Variants in PDZRN4 observed in about 807,000 individuals in gnomAD.
PDZRN4 encodes the protein PDZ domain containing ring finger 4, also known as PDZ domain-containing RING finger protein 4.
A neutral mutation model predicts 99.0 loss-of-function variants in PDZRN4; 70 were observed. That is an observed-to-expected ratio of 0.71 (90% CI 0.58 to 0.86). The LOEUF is 0.86. Ranked by LOEUF, PDZRN4 falls within the 40% of genes least tolerant of loss-of-function variation. The pLI is 0.00. For synonymous variants in PDZRN4, 551 were observed against 501.6 expected (o/e 1.10, Z -1.32); for missense variants, 1,474 against 1,331.2 (o/e 1.11, Z -1.67).
intron 3 of PDZRN4, among the ~76,000 whole-genome samples, chr12:41,398,150 G>A (rs1421715772): frequency 1.3e-5 from 2 of 152,102 alleles, no homozygotes; most frequent in Non-Finnish European, 2.9e-5. Context: ...CTCTCAATAT[G>A]ACAATACATT....
intron 3 of PDZRN4, among the ~76,000 whole-genome samples, chr12:41,240,551 T>G (rs1202779243): frequency 1.3e-5 from 2 of 152,206 alleles, no homozygotes; most frequent in Non-Finnish European, 2.9e-5. Flanking sequence ...TCAAATTGGC[T>G]GCCAATGACT....
rs139310192 is a variant in PDZRN4 at position 41,383,850 on chromosome 12, ATAGAG to A, written c.844-122602_844-122598del. On this transcript the variant is annotated intron_variant, in intron 3 of 9. Transcript: ENST00000402685. ...ATATATGGGAAAACCTTTTCATGGA[ATAGAG>A]TAGTCAATTTCTTGTCTTCAAACTA... Among the ~76,000 whole-genome samples the A allele has an allele frequency of 7.2e-3, 1,094 of 152,306 alleles. 5 individuals are homozygous for A. Among genetic ancestry groups the A allele is most frequent in the Non-Finnish European group, 0.012 (787 of 68,042 alleles).
chr12:41,574,681 A>T lies in PDZRN4; in HGVS notation c.*791A>T, dbSNP rs371508771. 7 of 152,448 alleles carry T rather than the reference A, an allele frequency of 4.6e-5. No individual in the cohort carries two copies. In the East Asian group the frequency reaches 1.2e-3, roughly 25 times the overall value. The allele number at this position is 152,448 out of a possible 1,614,324, so 9.4% of individuals were successfully genotyped here. On this transcript the variant is annotated 3_prime_UTR_variant, in exon 10 of 10. Transcript: ENST00000402685. ...CTATTTAGAAGACGCCTAATTGTGG[A>T]TTATAAAATGTGCACATTTTCTATC...
Position 41,433,207 on chromosome 12 carries a change from A to G in PDZRN4, c.844-73249A>G, listed in dbSNP as rs535197799. Among the ~76,000 whole-genome samples the G allele has an allele frequency of 3.7e-4, 56 of 152,318 alleles. No homozygotes were observed. In the South Asian group the frequency reaches 0.011, roughly 30 times the overall value. The stretch of plus-strand genomic sequence containing the variant: ...ATTCTCTTTTATTTTCTTAAATTTC[A>G]GCACTTTCAGATGCTTTCCTCCATT... On this transcript the variant is annotated intron_variant, in intron 3 of 9. Transcript: ENST00000402685.
chr12:41,431,019 G>A (rs1480709211), intron 3 of PDZRN4, among the ~76,000 whole-genome samples: 9 of 152,194 alleles, frequency 5.9e-5, no homozygotes, highest in South Asian at 4.1e-4. Flanking sequence ...CAGGAGAACA[G>A]TACCAAGGGG....
intron 3 of PDZRN4, among the ~76,000 whole-genome samples, chr12:41,247,871 C>T (rs1951143192): frequency 6.6e-6 from 1 of 152,030 alleles, no homozygotes; most frequent in African/African-American, 2.4e-5. Context: ...TTAGAAGATC[C>T]TGATTTAAGT....
chr12:41,573,362 T>G lies in PDZRN4; in HGVS notation c.2583T>G (p.Ser861=), dbSNP rs145282016. 1.3e-3 allele frequency: 2,069 copies of G among 1,613,260 alleles called. 2 individuals carry two copies. Among genetic ancestry groups the G allele is most frequent in the Non-Finnish European group, 1.6e-3 (1,897 of 1,180,024 alleles). The change falls in exon 10 of 10, where the codon TCT becomes TCG. Residue 861 remains serine (S), a synonymous_variant. Transcript: ENST00000402685. ...QSYMQLIQQK[S]AVEYAQSQLS... ...ACATGCAGTTAATTCAACAGAAATC[T>G]GCAGTCGAGTATGCTCAGAGTCAGC...
intron 3 of PDZRN4, among the ~76,000 whole-genome samples, chr12:41,243,933 A>T (rs141873926): frequency 5.9e-5 from 9 of 152,204 alleles, no homozygotes; most frequent in Non-Finnish European, 1.3e-4. Flanking sequence ...ATGTGCCTCC[A>T]GACTGAGTAC....
intron 3 of PDZRN4, among the ~76,000 whole-genome samples, chr12:41,407,972 T>C (rs1324709424): frequency 1.3e-5 from 2 of 152,208 alleles, no homozygotes; most frequent in South Asian, 2.1e-4. Context: ...AGAAAAGTAA[T>C]TAAAATTCTT....
intron 3 of PDZRN4, among the ~76,000 whole-genome samples, chr12:41,489,566 T>A (rs1054275591): frequency 6.6e-6 from 1 of 152,130 alleles, no homozygotes; most frequent in Non-Finnish European, 1.5e-5. Context: ...CAGTGTTTAG[T>A]ATAAGCAATG....
chr12:41,491,019 T>C (rs956153054), intron 3 of PDZRN4, among the ~76,000 whole-genome samples: 2 of 152,120 alleles, frequency 1.3e-5, no homozygotes, highest in Non-Finnish European at 2.9e-5. Flanking sequence ...GCATGAGCAC[T>C]ACCAGGCTCT....
intron 3 of PDZRN4, among the ~76,000 whole-genome samples, chr12:41,435,044 T>C (rs1158136482): frequency 1.3e-5 from 2 of 152,150 alleles, no homozygotes; most frequent in African/African-American, 4.8e-5. Flanking sequence ...GATGAGTCCA[T>C]TAGAAGCAGA....
At chr12:41,242,190 A>C (rs1467284103) in intron 3 of PDZRN4, among the ~76,000 whole-genome samples, 1 of 152,212 alleles carries the variant, frequency 6.6e-6, no homozygotes, top group Non-Finnish European at 1.5e-5. Context: ...ATGGAAATAA[A>C]ATTTTTAAAT....
chr12:41,292,844 A>G (rs1951465059), intron 3 of PDZRN4, among the ~76,000 whole-genome samples: 1 of 152,044 alleles, frequency 6.6e-6, no homozygotes, highest in Admixed American at 6.5e-5. Context: ...TAGACTCTAT[A>G]TTGACAAAAT....
At chr12:41,474,226 A>G (rs1953019558) in intron 3 of PDZRN4, among the ~76,000 whole-genome samples, 1 of 152,246 alleles carries the variant, frequency 6.6e-6, no homozygotes, top group Non-Finnish European at 1.5e-5. Flanking sequence ...CGTGTCAGAC[A>G]CTGACATATG....
intron 3 of PDZRN4, among the ~76,000 whole-genome samples, chr12:41,310,256 TTGTG>T (rs67129655): frequency 1.7e-3 from 260 of 149,766 alleles, no homozygotes; most frequent in African/African-American, 3.5e-3. Flanking sequence ...TCATTTTTGT[TTGTG>T]TGTGTGTGTG....
chr12:41,393,883 G>C (rs1458675282), intron 3 of PDZRN4, among the ~76,000 whole-genome samples: 2 of 152,142 alleles, frequency 1.3e-5, no homozygotes, highest in African/African-American at 4.8e-5. Context: ...CAGAACACCT[G>C]GTTGTTAGGT....
chr12:41,375,732 C>T (rs182317322), intron 3 of PDZRN4, among the ~76,000 whole-genome samples: 50 of 152,158 alleles, frequency 3.3e-4, no homozygotes, highest in African/African-American at 1.1e-3. Context: ...AACCTAGTTA[C>T]CATTTTGTGT....
rs1314576706 is a variant in PDZRN4, at chr12:41,188,772, T to G, written c.317T>G (p.Phe106Cys). The change falls in exon 1 of 10, where the codon TTC (phenylalanine) becomes TGC (cysteine). Residue 106 changes from phenylalanine (F) to cysteine (C), a missense_variant. Physicochemically the swap from Phe to Cys is radical, Grantham distance 205. Transcript: ENST00000402685. ...ELEAHVEHCD[F>C]GPARRLRSRG... ...GAGGCGCACGTCGAGCACTGCGACT[T>G]CGGCCCTGCCCGCCGGCTCCGCAGC... is the stretch of plus-strand genomic sequence containing the variant. 1 of 1,418,114 alleles carries G rather than the reference T, an allele frequency of 7.1e-7. No individual in the cohort carries two copies. Among genetic ancestry groups the G allele is most frequent in the Non-Finnish European group, 9.1e-7 (1 of 1,093,626 alleles). The allele number at this position is 1,418,114 out of a possible 1,614,324, so 87.8% of individuals were successfully genotyped here.
Sources: gnomAD v4.1 joint callset for allele counts (sites outside exome capture counted in the v4.1 genomes callset) on GRCh38, gnomAD v4.1.1 for gene constraint, MANE v1.5 for transcripts, NCBI Gene and HGNC (gene_info 2026-07-23, HGNC 2026-07-21) for gene names.